MYO1E: variants seen among roughly 807,000 people sequenced by gnomAD.
MYO1E encodes myosin IE, also known as unconventional myosin-Ie.
Under a neutral mutation model 151.1 loss-of-function variants are expected in MYO1E, and 68 were observed. That is an observed-to-expected ratio of 0.45 (90% confidence interval 0.37 to 0.55). The LOEUF (loss-of-function observed/expected upper bound fraction) is 0.55. MYO1E is among the 20% of genes least tolerant of loss of function. The pLI is 0.00. For missense variants in MYO1E, 1,363 were observed against 1,389.3 expected (o/e 0.98, Z 0.30); for synonymous variants, 601 against 501.7 (o/e 1.20, Z -2.64).
At chr15:59,156,066 A>T (rs1386551244) in intron 25 of MYO1E, among the ~76,000 whole-genome samples, 1 of 152,256 alleles carries the variant, frequency 6.6e-6, no homozygotes, top group Non-Finnish European at 1.5e-5. Flanking sequence ...TCTGTTACTC[A>T]GGCTGGAGTG....
At chr15:59,154,756 G>A (rs1406618824) in intron 25 of MYO1E, among the ~76,000 whole-genome samples, 1 of 152,174 alleles carries the variant, frequency 6.6e-6, no homozygotes, top group Non-Finnish European at 1.5e-5. Flanking sequence ...AAAGAACCAC[G>A]AGATAGGTCC....
intron 26 of MYO1E, among the ~76,000 whole-genome samples, chr15:59,144,581 C>T (rs1002980389): frequency 6.6e-6 from 1 of 152,084 alleles, no homozygotes; most frequent in African/African-American, 2.4e-5. Flanking sequence ...AGGTGTAAGC[C>T]ACCGCACCGG....
chr15:59,152,459 A>C (rs2079487167), intron 26 of MYO1E, among the ~76,000 whole-genome samples: 1 of 152,176 alleles, frequency 6.6e-6, no homozygotes, highest in Non-Finnish European at 1.5e-5. Context: ...TAGCTTTAGC[A>C]GACAGAGCCA....
chr15:59,218,288 T>A (rs372485922), intron 9 of MYO1E: 3 of 698,536 alleles, frequency 4.3e-6, no homozygotes, highest in Admixed American at 2.0e-5. Context: ...TTTTTCCCAA[T>A]TGTTTTATGA....
At chr15:59,262,144 T>C (rs200922113) in intron 2 of MYO1E, among the ~76,000 whole-genome samples, 1 of 151,822 alleles carries the variant, frequency 6.6e-6, no homozygotes, top group East Asian at 1.9e-4. Flanking sequence ...GAGGCGGAGG[T>C]TGCAGTGAGC....
chr15:59,239,209 A>T lies in MYO1E; in HGVS notation c.333-2537T>A, dbSNP rs1376963014. On this transcript the variant is annotated intron_variant, in intron 4 of 27. Coordinates refer to ENST00000288235, the MANE Select transcript of MYO1E (RefSeq NM_004998.4). Reference sequence around the variant, plus strand: ...CAACAAGAATGAAACTGTGTCAAAAAATATATATATATATATTTTTTTTAT... The same window carrying T: ...CAACAAGAATGAAACTGTGTCAAAATATATATATATATATATTTTTTTTAT... Among the ~76,000 whole-genome samples the T allele has an allele frequency of 3.1e-4, 38 of 121,056 alleles. No individual in the cohort carries two copies. In the East Asian group the frequency reaches 4.7e-3, roughly 15 times the overall value. 79.4% of individuals were successfully genotyped at this position (121,056 alleles called of 152,430 possible).
chr15:59,193,697 G>C lies in MYO1E; in HGVS notation c.1805+1764C>G, dbSNP rs984979656. Among the ~76,000 whole-genome samples, 6 of 152,208 alleles carry C rather than the reference G, an allele frequency of 3.9e-5. No individual in the cohort carries two copies. The South Asian group carries it at 1.2e-3, about 32-fold the overall frequency. ...GATTCTTATCGCAGATTGAAAACCT[G>C]GGATTAGGATAAAAGTGACCTAGAG... On this transcript the variant is annotated intron_variant, in intron 17 of 27. Transcript: ENST00000288235.
intron 23 of MYO1E, among the ~76,000 whole-genome samples, chr15:59,162,532 G>T (rs894350420): frequency 2.0e-5 from 3 of 151,880 alleles, no homozygotes; most frequent in African/African-American, 7.3e-5. Context: ...TGTAATCCTA[G>T]CTACTCAGGA....
chr15:59,145,996 G>A (rs2079439307), intron 26 of MYO1E, among the ~76,000 whole-genome samples: 1 of 152,106 alleles, frequency 6.6e-6, no homozygotes, highest in South Asian at 2.1e-4. Flanking sequence ...AAAATGCCTT[G>A]CCAACTTTTG....
intron 1 of MYO1E, among the ~76,000 whole-genome samples, chr15:59,276,337 C>T (rs1455411011): frequency 2.6e-5 from 4 of 152,118 alleles, no homozygotes; most frequent in Non-Finnish European, 5.9e-5. Context: ...AAAAATGGTA[C>T]CATTTTAAAC....
chr15:59,206,912 C>T (rs1325176777), intron 14 of MYO1E: 2 of 1,586,504 alleles, frequency 1.3e-6, no homozygotes, highest in Admixed American at 1.8e-5. Context: ...TTTTTCCATT[C>T]TCTCTCTCCA....
Position 59,217,948 on chromosome 15 carries a change from G to A in MYO1E, c.1050C>T (p.Tyr350=). ...GGGCCTTGGCGAGCGCATCCCGGGT[G>A]TAACAGGCCTGCTCTACGTTGAGGG... ...HVTLNVEQAC[Y]TRDALAKALH... The change falls in exon 10 of 28, where the codon TAC becomes TAT. Residue 350 remains tyrosine (Y), a synonymous_variant. Coordinates refer to ENST00000288235, the MANE Select transcript of MYO1E (RefSeq NM_004998.4). 6.2e-7 allele frequency: 1 copy of A among 1,614,236 alleles called. No homozygotes were observed.
At position 59,173,749 on chromosome 15, in the gene MYO1E, G is replaced by A; in HGVS notation, c.2331C>T (p.Phe777=). The A allele has an allele frequency of 2.5e-6, 4 of 1,614,134 alleles. No homozygotes were observed. Among genetic ancestry groups the A allele is most frequent in the Non-Finnish European group, 3.4e-6 (4 of 1,179,998 alleles). ...ADTVTKYDRR[F]KGVKRDLLLT... is the part of the protein sequence containing the mutation. ...GAGGCAGGCAGTTAGCACGTACCTT[G>A]AACCTCCTGTCATACTTGGTGACTG... Residue 777 remains phenylalanine (F), a synonymous_variant, in exon 21 of 28, where the codon TTC becomes TTT. Coordinates refer to ENST00000288235, the MANE Select transcript of MYO1E (RefSeq NM_004998.4).
intron 1 of MYO1E, among the ~76,000 whole-genome samples, chr15:59,276,670 A>G (rs1183654003): frequency 6.6e-6 from 1 of 152,196 alleles, no homozygotes; most frequent in African/African-American, 2.4e-5. Context: ...GTTTGTTGCT[A>G]ACATTTAAGA....
At chr15:59,248,295 C>T (rs771502093) in intron 4 of MYO1E, among the ~76,000 whole-genome samples, 7 of 151,310 alleles carry the variant, frequency 4.6e-5, no homozygotes, top group Non-Finnish European at 7.4e-5. Context: ...ACCAGCCTGG[C>T]CAACATGGTG....
chr15:59,169,539 T>A (rs777427635), intron 22 of MYO1E, among the ~76,000 whole-genome samples: 23 of 152,190 alleles, frequency 1.5e-4, no homozygotes, highest in Non-Finnish European at 2.6e-4. Context: ...TACACAGACA[T>A]CACAAGTTCA....
At chr15:59,169,917 T>G (rs1348831894) in intron 22 of MYO1E, among the ~76,000 whole-genome samples, 1 of 152,102 alleles carries the variant, frequency 6.6e-6, no homozygotes, top group Non-Finnish European at 1.5e-5. Context: ...CCCAGCACTT[T>G]GGGAGGCTGA....
intron 16 of MYO1E, among the ~76,000 whole-genome samples, chr15:59,198,121 C>T (rs1434564910): frequency 2.0e-5 from 3 of 152,232 alleles, no homozygotes; most frequent in Non-Finnish European, 2.9e-5. Context: ...CCACCTTGGC[C>T]TCCCAGAGTG....
chr15:59,171,382 C>G (rs1256920653), intron 22 of MYO1E: 1 of 176,204 alleles, frequency 5.7e-6, no homozygotes, highest in Admixed American at 5.5e-5. Context: ...ACACCACTCC[C>G]CACTGCCTGA....
Sources: allele counts gnomAD v4.1 joint callset (sites outside exome capture counted in the v4.1 genomes callset), GRCh38; gene constraint gnomAD v4.1.1; transcripts MANE v1.5; gene names NCBI Gene and HGNC (gene_info 2026-07-23, HGNC 2026-07-21).